LGSN: variants seen among roughly 807,000 people sequenced by gnomAD.
The protein encoded by LGSN is lengsin, lens protein with glutamine synthetase domain.
In LGSN, 21 loss-of-function variants were observed where a neutral mutation model predicts 19.5. That is an observed-to-expected ratio of 1.07 (90% CI 0.76 to 1.55). The LOEUF is 1.55. LGSN is among the 40% of genes most tolerant of loss of function. LGSN has a pLI of 0.00. For missense variants in LGSN, 673 were observed against 608.5 expected, an observed-to-expected ratio of 1.11 and a Z score of -1.12; for synonymous variants, 257 against 215.6, an observed-to-expected ratio of 1.19 and a Z score of -1.68.
the LGSN span, among the ~76,000 whole-genome samples, chr6:63,490,339 G>T: frequency 6.6e-6 from 1 of 152,130 alleles, no homozygotes; most frequent in Non-Finnish European, 1.5e-5. Flanking sequence ...ACCTACCTCC[G>T]TAAGTGAGTG....
chr6:63,424,332 T>A, the LGSN span, among the ~76,000 whole-genome samples: 1 of 152,266 alleles, frequency 6.6e-6, no homozygotes. Flanking sequence ...GAATTCATAA[T>A]TTTAAGACTC....
chr6:63,531,266 G>T, the LGSN span, among the ~76,000 whole-genome samples: 10 of 152,058 alleles, frequency 6.6e-5, no homozygotes, highest in East Asian at 1.7e-3. Flanking sequence ...AAGAGGATTT[G>T]GTTTAATTAG....
the LGSN span, among the ~76,000 whole-genome samples, chr6:63,476,819 A>C: frequency 6.6e-6 from 1 of 152,246 alleles, no homozygotes; most frequent in Non-Finnish European, 1.5e-5. Flanking sequence ...AGATTCAATG[A>C]AGAGAAATTA....
the LGSN span, among the ~76,000 whole-genome samples, chr6:63,403,696 C>A: frequency 2.6e-5 from 4 of 152,012 alleles, no homozygotes; most frequent in African/African-American, 9.7e-5. Flanking sequence ...GAGATCACTA[C>A]ACATTCTACA....
chr6:63,476,066 G>T, the LGSN span, among the ~76,000 whole-genome samples: 4 of 152,016 alleles, frequency 2.6e-5, no homozygotes, highest in African/African-American at 4.8e-5. Flanking sequence ...TTTTGGTTTG[G>T]TTTTTTTGTT....
chr6:63,434,927 T>A, the LGSN span, among the ~76,000 whole-genome samples: 5 of 152,216 alleles, frequency 3.3e-5, no homozygotes, highest in African/African-American at 1.2e-4. Context: ...TAGGAGCTTT[T>A]CCCTGTTCTC....
intron 1 of LGSN, among the ~76,000 whole-genome samples, chr6:63,296,772 C>A (rs911128959): frequency 6.6e-6 from 1 of 151,894 alleles, no homozygotes; most frequent in African/African-American, 2.4e-5. Flanking sequence ...CTCATGGTAC[C>A]CCTTAAGTTA....
the LGSN span, among the ~76,000 whole-genome samples, chr6:63,358,003 T>C: frequency 6.6e-6 from 1 of 152,126 alleles, no homozygotes; most frequent in South Asian, 2.1e-4. Context: ...TTGAATTAAT[T>C]TTTGTATAAG....
the LGSN span, among the ~76,000 whole-genome samples, chr6:63,559,117 C>T: frequency 1.3e-5 from 2 of 152,162 alleles, no homozygotes; most frequent in Non-Finnish European, 2.9e-5. Context: ...TGATGTTCAC[C>T]ATGTCCATTA....
At chr6:63,445,946 G>A in the LGSN span, among the ~76,000 whole-genome samples, 1 of 151,862 alleles carries the variant, frequency 6.6e-6, no homozygotes, top group African/African-American at 2.4e-5. Context: ...CTTGACAATG[G>A]CCTACAAAGT....
chr6:63,448,432 A>AT, the LGSN span, among the ~76,000 whole-genome samples: 1 of 152,094 alleles, frequency 6.6e-6, no homozygotes, highest in Non-Finnish European at 1.5e-5. Flanking sequence ...AGCATGAGTC[A>AT]TAGGGACAAC....
At chr6:63,498,040 T>C in the LGSN span, among the ~76,000 whole-genome samples, 1 of 151,350 alleles carries the variant, frequency 6.6e-6, no homozygotes, top group African/African-American at 2.4e-5. Flanking sequence ...TGCCTCAGCC[T>C]CCCGAGTAGC....
At chr6:63,299,182 G>T (rs1012418073) in intron 1 of LGSN, among the ~76,000 whole-genome samples, 20 of 152,154 alleles carry the variant, frequency 1.3e-4, no homozygotes, top group Middle Eastern at 6.8e-3. Context: ...GAACTAAATT[G>T]GTCTCCAAAT....
the LGSN span, among the ~76,000 whole-genome samples, chr6:63,369,385 A>G: frequency 2.0e-5 from 3 of 152,242 alleles, no homozygotes; most frequent in African/African-American, 7.2e-5. Context: ...ATTTATTCTG[A>G]TACTGAAAGG....
At chr6:63,572,178 T>C in the LGSN span, 1 of 153,890 alleles carries the variant, frequency 6.5e-6, no homozygotes. Flanking sequence ...TGCAGCATGA[T>C]TCCTTCCAGT....
the LGSN span, among the ~76,000 whole-genome samples, chr6:63,517,158 T>C: frequency 6.6e-6 from 1 of 152,104 alleles, no homozygotes; most frequent in East Asian, 1.9e-4. Context: ...TATATTATTA[T>C]TAAACAAGGA....
chr6:63,289,051 T>C (rs141457917), intron 2 of LGSN, among the ~76,000 whole-genome samples: 27 of 152,354 alleles, frequency 1.8e-4, no homozygotes, highest in African/African-American at 6.3e-4. Context: ...CACATGTTCC[T>C]GTCATTCTCC....
At chr6:63,459,332 G>A in the LGSN span, among the ~76,000 whole-genome samples, 120 of 152,196 alleles carry the variant, frequency 7.9e-4, 1 homozygote, top group East Asian at 0.017. Context: ...AATACAAAAA[G>A]CTTTGGAAAA....
chr6:63,555,623 G>A, the LGSN span, among the ~76,000 whole-genome samples: 2 of 151,678 alleles, frequency 1.3e-5, no homozygotes, highest in African/African-American at 4.9e-5. Context: ...TATTACCAAA[G>A]GCATACATCC....
Sources: allele counts gnomAD v4.1 joint callset (sites outside exome capture counted in the v4.1 genomes callset), GRCh38; gene constraint gnomAD v4.1.1; transcripts MANE v1.5; gene names NCBI Gene and HGNC (gene_info 2026-07-23, HGNC 2026-07-21).